PHACTR2: variants seen among roughly 807,000 people sequenced by gnomAD.
The protein encoded by PHACTR2 is phosphatase and actin regulator 2, also known as chromosome 6 open reading frame 56.
A neutral mutation model predicts 76.0 loss-of-function variants in PHACTR2; 30 were observed. The ratio of observed to expected loss-of-function variants is 0.39; its 90% CI spans 0.30 to 0.54. The LOEUF (loss-of-function observed/expected upper bound fraction) is 0.54, where lower values mean the gene tolerates loss of function less well. PHACTR2 is among the 20% of genes least tolerant of loss of function. The pLI is 0.61. For synonymous variants in PHACTR2, 292 were observed against 292.5 expected, an observed-to-expected ratio of 1.00 and a Z score of 0.02; for missense variants, 696 against 781.1, an observed-to-expected ratio of 0.89 and a Z score of 1.30.
rs973131393 is a variant in PHACTR2 at position 143,775,662 on chromosome 6, A to G, written c.1589+1447A>G. On this transcript the variant is annotated intron_variant, in intron 8 of 12. Transcript: ENST00000440869. This position sits in a 1 kb window ranked among gnomAD's most constrained non-coding sequence, Gnocchi z 4.4. ...TCTATGTAAGAGAGTATATGCTTCTAGGTTTTCTGATTGTTTTATTACTCT... is the reference window on the plus strand; with the variant it reads ...TCTATGTAAGAGAGTATATGCTTCTGGGTTTTCTGATTGTTTTATTACTCT... Among the ~76,000 whole-genome samples the G allele has an allele frequency of 1.3e-5, 2 of 152,150 alleles. No homozygotes were observed. The highest frequency in any genetic ancestry group is 2.4e-5 in the African/African-American group (1 of 41,432).
In PHACTR2 at chr6:143,801,290, G is replaced by A. The variant is rs1255531500; in HGVS notation, c.1846-5767G>A. 6.6e-6 allele frequency among the ~76,000 whole-genome samples: 1 copy of A among 152,168 alleles called. No individual in the cohort carries two copies. Among genetic ancestry groups the A allele is most frequent in the Non-Finnish European group, 1.5e-5 (1 of 68,030 alleles). On this transcript the variant is annotated intron_variant, in intron 11 of 12. Transcript: ENST00000440869. The surrounding 1 kb of genome is among the most constrained non-coding windows in gnomAD (Gnocchi z 4.6). ...TCTCCTGGATAATATCCTGAAGAGT[G>A]TTTTTCAACTTGGTTCTATTCTCCC... is the stretch of plus-strand genomic sequence containing the variant.
chr6:143,676,126 T>G (rs1406353517), upstream of PHACTR2, among the ~76,000 whole-genome samples: 1 of 152,186 alleles, frequency 6.6e-6, no homozygotes, highest in Non-Finnish European at 1.5e-5. The surrounding 1 kb of genome is among the most constrained non-coding windows in gnomAD (Gnocchi z 4.8). Flanking sequence ...TCAAGGATAA[T>G]GTAATGGAAC....
chr6:143,590,266 A>G (rs969639424), intron 1 of PHACTR2, among the ~76,000 whole-genome samples: 1 of 152,122 alleles, frequency 6.6e-6, no homozygotes, highest in Non-Finnish European at 1.5e-5. Flanking sequence ...TGTGCTGCAG[A>G]TGACTTTTAG....
intron 2 of PHACTR2, among the ~76,000 whole-genome samples, chr6:143,724,957 C>G (rs1778527616): frequency 2.0e-5 from 3 of 152,132 alleles, no homozygotes; most frequent in Admixed American, 1.3e-4. Flanking sequence ...ATGCTGGAGG[C>G]AGATGTACAA....
intron 1 of PHACTR2, among the ~76,000 whole-genome samples, chr6:143,704,376 T>C (rs1777993942): frequency 6.6e-6 from 1 of 152,176 alleles, no homozygotes; most frequent in East Asian, 1.9e-4. Context: ...TGGCCAAGTC[T>C]GAAGTATATT....
At chr6:143,640,164 A>G (rs1166959832) in intron 1 of PHACTR2, among the ~76,000 whole-genome samples, 1 of 152,266 alleles carries the variant, frequency 6.6e-6, no homozygotes, top group Non-Finnish European at 1.5e-5. Context: ...ATATAAGTGT[A>G]GCACATATAA....
chr6:143,749,559 G>C (rs1779141724), intron 3 of PHACTR2, among the ~76,000 whole-genome samples: 1 of 152,102 alleles, frequency 6.6e-6, no homozygotes, highest in Non-Finnish European at 1.5e-5. Flanking sequence ...AGCATGAATA[G>C]GCAAACTAAA....
At position 143,545,782 on chromosome 6, in the gene PHACTR2, C is replaced by T. The variant is rs532513850; in HGVS notation, c.217+8575C>T. On this transcript the variant is annotated intron_variant, in intron 1 of 11. Transcript: ENST00000367584. ...AGAGGGAAAATCGCATTATGTTTTA[C>T]TCTGAATTATGAAAGAGATCATCAG... 2.9e-3 allele frequency among the ~76,000 whole-genome samples: 436 copies of T among 152,282 alleles called. 1 individual carries two copies. The highest frequency in any genetic ancestry group is 4.9e-3 in the Non-Finnish European group (331 of 68,030).
In PHACTR2 at chr6:143,618,284, C is replaced by CA. The variant is rs1259126914; in HGVS notation, c.13+9963dup. Among the ~76,000 whole-genome samples, 1 of 143,504 alleles carries CA rather than the reference C, an allele frequency of 7.0e-6. No individual in the cohort carries two copies. The highest frequency in any genetic ancestry group is 1.5e-5 in the Non-Finnish European group (1 of 65,776). The allele number at this position is 143,504 out of a possible 152,430, so 94.1% of individuals were successfully genotyped here. A position where few individuals can be genotyped will look rare whatever the true frequency, so the allele number is the denominator to read the frequency against. On this transcript the variant is annotated intron_variant, in intron 1 of 11. Transcript: ENST00000305766. This position sits in a 1 kb window ranked among gnomAD's most constrained non-coding sequence, Gnocchi z 5.2. ...ACACACACACACACACACACACACACACGCACACTCCAGAATGAGTTTCAG... is the reference window on the plus strand; with the variant it reads ...ACACACACACACACACACACACACACAACGCACACTCCAGAATGAGTTTCAG...
Position 143,804,220 on chromosome 6 carries a change from C to T in PHACTR2, c.1846-2837C>T, listed in dbSNP as rs555516148. On this transcript the variant is annotated intron_variant, in intron 11 of 12. Transcript: ENST00000440869. ...CTTCCAAGACAGCTTCTTCACTAAC[C>T]GTCGGTGCCTTTTGCTCCTTGGCCT... Among the ~76,000 whole-genome samples, 96 of 152,314 alleles carry T rather than the reference C, an allele frequency of 6.3e-4. No individual in the cohort carries two copies. The South Asian group carries it at 7.2e-3, about 11-fold the overall frequency.
In PHACTR2 at chr6:143,559,690, C is replaced by CTTTT. The variant is rs5880566; in HGVS notation, c.217+22516_217+22519dup. On this transcript the variant is annotated intron_variant, in intron 1 of 11. Coordinates refer to the PHACTR2 transcript ENST00000367584. ...TAAAAATACCAGTGATTTTTCTTTT[C>CTTTT]TTTTTTTTTTTTTTTTTTTTTTTTT... is the stretch of plus-strand genomic sequence containing the variant. 9.7e-4 allele frequency among the ~76,000 whole-genome samples: 31 copies of CTTTT among 31,908 alleles called. 1 individual carries two copies. The highest frequency in any genetic ancestry group is 1.3e-3 in the Non-Finnish European group (25 of 18,680). The allele number at this position is 31,908 out of a possible 152,430, so 20.9% of individuals were successfully genotyped here.
rs1776143341 is a variant in PHACTR2 at position 143,809,998 on chromosome 6, C to A, written c.1922+2865C>A. ...TAGTGGCTCACAGCTGTAGTCCCAGCTACTTGGTAGGCTGAGGTGGGAGGA... is the reference window on the plus strand; with the variant it reads ...TAGTGGCTCACAGCTGTAGTCCCAGATACTTGGTAGGCTGAGGTGGGAGGA... On this transcript the variant is annotated intron_variant, in intron 12 of 12. Transcript: ENST00000440869. The surrounding 1 kb of genome is among the most constrained non-coding windows in gnomAD (Gnocchi z 4.2). Among the ~76,000 whole-genome samples, 1 of 152,040 alleles carries A rather than the reference C, an allele frequency of 6.6e-6. No individual in the cohort carries two copies.
upstream of PHACTR2, among the ~76,000 whole-genome samples, chr6:143,674,183 CAG>C (rs1777203256): frequency 1.3e-5 from 2 of 152,210 alleles, no homozygotes; most frequent in South Asian, 2.1e-4. The surrounding 1 kb of genome is among the most constrained non-coding windows in gnomAD (Gnocchi z 4.9). Flanking sequence ...GTTACATATA[CAG>C]AGTTTTCACT....
intron 11 of PHACTR2, among the ~76,000 whole-genome samples, chr6:143,792,460 TC>T (rs1775713035): frequency 6.6e-6 from 1 of 152,138 alleles, no homozygotes; most frequent in Non-Finnish European, 1.5e-5. Flanking sequence ...ATTTAGTGGC[TC>T]CTAGTTGACC....
intron 6 of PHACTR2, among the ~76,000 whole-genome samples, chr6:143,768,092 T>C (rs1197117946): frequency 6.6e-6 from 1 of 152,202 alleles, no homozygotes; most frequent in African/African-American, 2.4e-5. Context: ...TGCCTCAGCC[T>C]TCCAAAGTGC....
At position 143,589,500 on chromosome 6, in the gene PHACTR2, T is replaced by C. The variant is rs1775664212; in HGVS notation, c.217+52293T>C. Among the ~76,000 whole-genome samples, 2 of 152,156 alleles carry C rather than the reference T, an allele frequency of 1.3e-5. No individual in the cohort carries two copies. The highest frequency in any genetic ancestry group is 4.8e-5 in the African/African-American group (2 of 41,436). ...GGAACCATGAGCCAAGGAAACCTTTTTTCTTTATTAATTACTCAGTCTCAG... is the reference window on the plus strand; with the variant it reads ...GGAACCATGAGCCAAGGAAACCTTTCTTCTTTATTAATTACTCAGTCTCAG... On this transcript the variant is annotated intron_variant, in intron 1 of 11. Coordinates refer to the PHACTR2 transcript ENST00000367584. This position sits in a 1 kb window ranked among gnomAD's most constrained non-coding sequence, Gnocchi z 4.4.
rs1411612005 is a variant in PHACTR2, at chr6:143,663,057, G to T, written c.14-48959G>T. ...GACATTATTTCATTCTTTTTTTATG[G>T]CTGTATAATATTCCCTGGTGTATTT... On this transcript the variant is annotated intron_variant, in intron 1 of 11. Transcript: ENST00000305766. The surrounding 1 kb of genome is among the most constrained non-coding windows in gnomAD (Gnocchi z 4.1). Among the ~76,000 whole-genome samples, 2 of 152,032 alleles carry T rather than the reference G, an allele frequency of 1.3e-5. No individual in the cohort carries two copies. Among genetic ancestry groups the T allele is most frequent in the African/African-American group, 4.8e-5 (2 of 41,408 alleles).
At chr6:143,601,605 C>G (rs1775815135) in intron 1 of PHACTR2, among the ~76,000 whole-genome samples, 1 of 152,222 alleles carries the variant, frequency 6.6e-6, no homozygotes, top group Admixed American at 6.5e-5. Flanking sequence ...ATGACTTTGG[C>G]AGAGTTCCTT....
In PHACTR2 at chr6:143,680,787, T is replaced by G. The variant is rs1301465556; in HGVS notation, c.46+2578T>G. The stretch of plus-strand genomic sequence containing the variant: ...ATTCAACCAGTGGGCTCTACCTTAA[T>G]GAAACACTAATCAACTTTTCTGTCT... On this transcript the variant is annotated intron_variant, in intron 1 of 12. Coordinates refer to ENST00000440869, the MANE Select transcript of PHACTR2 (RefSeq NM_001100164.2). The surrounding 1 kb of genome is among the most constrained non-coding windows in gnomAD (Gnocchi z 4.5). Among the ~76,000 whole-genome samples the G allele has an allele frequency of 6.8e-6, 1 of 146,304 alleles. No individual in the cohort carries two copies. Among genetic ancestry groups the G allele is most frequent in the Non-Finnish European group, 1.5e-5 (1 of 66,412 alleles).
Sources: allele counts gnomAD v4.1 joint callset (sites outside exome capture counted in the v4.1 genomes callset), GRCh38; gene constraint gnomAD v4.1.1; non-coding constraint Gnocchi (gnomAD v3.1); transcripts MANE v1.5; gene names NCBI Gene and HGNC (gene_info 2026-07-23, HGNC 2026-07-21).